The following LATS1 variants were observed in gnomAD, a reference collection of about 807,000 sequenced individuals.
LATS1 encodes the protein large tumor suppressor kinase 1.
A neutral mutation model predicts 106.6 loss-of-function variants in LATS1; 25 were observed. That is an observed-to-expected ratio of 0.23 (90% CI 0.17 to 0.33). The LOEUF is 0.33. Among genes scored for constraint, LATS1 ranks in the 10% least tolerant of loss-of-function variants. The pLI is 1.00. For missense variants in LATS1, 1,040 were observed against 1,382.6 expected, an observed-to-expected ratio of 0.75 and a Z score of 3.93; for synonymous variants, 465 against 455.6, an observed-to-expected ratio of 1.02 and a Z score of -0.26.
intron 1 of LATS1, chr6:149,702,497 AAGTT>A (rs199800936): frequency 0.012 from 1,999 of 171,002 alleles, 44 homozygotes; most frequent in African/African-American, 0.046. Flanking sequence ...AAAAAAAAAA[AAGTT>A]CCTTAGTAAG....
At chr6:149,703,814 C>A (rs1783598839) in intron 1 of LATS1, among the ~76,000 whole-genome samples, 1 of 152,062 alleles carries the variant, frequency 6.6e-6, no homozygotes, top group African/African-American at 2.4e-5. Context: ...ATAAATTGAA[C>A]TAGGATTAAG....
Position 149,695,332 on chromosome 6 carries a change from C to T in LATS1, c.349-111G>A, listed in dbSNP as rs1782996877. On this transcript the variant is annotated intron_variant, in intron 2 of 7. Coordinates refer to ENST00000543571, the MANE Select transcript of LATS1 (RefSeq NM_004690.4). ...GAGAAATCCATAATTATGAAGAACACAGCCCCAAACCATGATATTAATGTT... is the reference window on the plus strand; with the variant it reads ...GAGAAATCCATAATTATGAAGAACATAGCCCCAAACCATGATATTAATGTT... The T allele has an allele frequency of 4.0e-5, 26 of 650,402 alleles. No homozygotes were observed. In the South Asian group the frequency reaches 5.5e-4, roughly 14 times the overall value. 40.3% of individuals were successfully genotyped at this position (650,402 alleles called of 1,614,324 possible). A position where few individuals can be genotyped will look rare whatever the true frequency, so the allele number is the denominator to read the frequency against.
At chr6:149,704,883 AT>A (rs1783666869) in intron 1 of LATS1, among the ~76,000 whole-genome samples, 1 of 81,624 alleles carries the variant, frequency 1.2e-5, no homozygotes, top group African/African-American at 5.6e-5. Flanking sequence ...ATAGAAATTA[AT>A]TATACACACA....
At position 149,676,664 on chromosome 6, in the gene LATS1, G is replaced by A. The variant is rs750873354; in HGVS notation, c.2667C>T (p.Asp889=). The part of the protein sequence containing the change: ...WGDPSSCRCG[D]RLKPLERRAA... ...CTCTCCGCTCTAATGGCTTCAGTCTGTCTCCACATCGACAGCTTGAGGGAT... is the reference window on the plus strand; with the variant it reads ...CTCTCCGCTCTAATGGCTTCAGTCTATCTCCACATCGACAGCTTGAGGGAT... Residue 889 remains aspartate, a synonymous_variant, in exon 6 of 8, where the codon GAC becomes GAT. Coordinates refer to ENST00000543571, the MANE Select transcript of LATS1 (RefSeq NM_004690.4). 3.1e-5 allele frequency: 50 copies of A among 1,613,974 alleles called. No homozygotes were observed. The highest frequency in any genetic ancestry group is 1.6e-4 in the Middle Eastern group (1 of 6,074).
chr6:149,679,849 A>G lies in LATS1; in HGVS notation c.2593+26T>C, dbSNP rs530481950. 12 of 1,455,410 alleles carry G rather than the reference A, an allele frequency of 8.2e-6. No individual in the cohort carries two copies. The East Asian group carries it at 2.5e-4, about 30-fold the overall frequency. The allele number at this position is 1,455,410 out of a possible 1,614,324, so 90.2% of individuals were successfully genotyped here. ...TAAATTACATTATTATGAACAAACT[A>G]AAATAAATTTTATGAGTTTACTTAC... On this transcript the variant is annotated intron_variant, in intron 5 of 7. Transcript: ENST00000543571.
In LATS1 at chr6:149,682,869, T is replaced by A. The variant is rs553636029; in HGVS notation, c.2010+210A>T. ...TTTTCTTAATTTACACGAGATTTTA[T>A]TATAGGAAATTCTGAATAAATATTG... On this transcript the variant is annotated intron_variant, in intron 4 of 7. Coordinates refer to ENST00000543571, the MANE Select transcript of LATS1 (RefSeq NM_004690.4). The A allele has an allele frequency of 9.7e-5, 54 of 554,554 alleles. No homozygotes were observed. The East Asian group carries it at 1.3e-3, about 13-fold the overall frequency. The allele number at this position is 554,554 out of a possible 1,614,324, so 34.4% of individuals were successfully genotyped here. A position where few individuals can be genotyped will look rare whatever the true frequency, so the allele number is the denominator to read the frequency against.
chr6:149,680,683 G>A (rs150036887), intron 4 of LATS1, among the ~76,000 whole-genome samples: 1 of 150,584 alleles, frequency 6.6e-6, no homozygotes, highest in African/African-American at 2.4e-5. Context: ...AAATTCAGCT[G>A]TGGAGTGCAA....
chr6:149,710,992 C>A (rs942950860), intron 1 of LATS1, among the ~76,000 whole-genome samples: 3 of 152,152 alleles, frequency 2.0e-5, no homozygotes, highest in African/African-American at 7.2e-5. Flanking sequence ...AAAGACTGAG[C>A]ACAGATGCCC....
At chr6:149,699,503 C>T (rs1783319013) in intron 2 of LATS1, among the ~76,000 whole-genome samples, 1 of 151,548 alleles carries the variant, frequency 6.6e-6, no homozygotes, top group Non-Finnish European at 1.5e-5. Flanking sequence ...AAATAAATAA[C>T]ACCATACTTC....
chr6:149,684,550 C>T lies in LATS1; in HGVS notation c.539G>A (p.Gly180Asp). ...CTGAGGAACTAAGGATTCTTTAGAA[C>T]CTTTCCAGCTCTGTTTGCGGTTAAC... is the stretch of plus-strand genomic sequence containing the variant. ...QSVNRKQSWKGSKESLVPQRH... is the reference protein window; with the variant it reads ...QSVNRKQSWKDSKESLVPQRH... Residue 180 changes from glycine to aspartate, a missense_variant, in exon 4 of 8, where the codon GGT becomes GAT. Coordinates refer to ENST00000543571, the MANE Select transcript of LATS1 (RefSeq NM_004690.4). The T allele has an allele frequency of 6.2e-7, 1 of 1,611,924 alleles. No individual in the cohort carries two copies. The highest frequency in any genetic ancestry group is 2.2e-5 in the East Asian group (1 of 44,816).
intron 7 of LATS1, among the ~76,000 whole-genome samples, chr6:149,675,193 A>G (rs1324039684): frequency 6.7e-6 from 1 of 148,754 alleles, no homozygotes; most frequent in African/African-American, 2.5e-5. Context: ...CTCTAGCCTG[A>G]TGACAGAGCA....
intron 2 of LATS1, among the ~76,000 whole-genome samples, chr6:149,697,971 C>T (rs1783196121): frequency 6.6e-6 from 1 of 152,136 alleles, no homozygotes; most frequent in African/African-American, 2.4e-5. Flanking sequence ...AACTCCTGAC[C>T]TCAAGTGATC....
intron 1 of LATS1, among the ~76,000 whole-genome samples, chr6:149,705,669 A>G (rs1312281705): frequency 6.6e-6 from 1 of 152,166 alleles, no homozygotes; most frequent in Non-Finnish European, 1.5e-5. Flanking sequence ...ATTTCCCTAT[A>G]ATGGGACCTG....
intron 2 of LATS1, among the ~76,000 whole-genome samples, chr6:149,696,915 G>A (rs1783125398): frequency 1.3e-5 from 2 of 152,094 alleles, no homozygotes; most frequent in Admixed American, 1.3e-4. Context: ...GGCTCATAGG[G>A]TTGATGTGAG....
At chr6:149,666,803 G>A (rs537097301) in intron 7 of LATS1, among the ~76,000 whole-genome samples, 7 of 151,964 alleles carry the variant, frequency 4.6e-5, no homozygotes, top group Admixed American at 3.3e-4. Context: ...TTAGCCGGGC[G>A]TGGTGGTGGG....
chr6:149,692,760 C>T (rs1350791238), intron 3 of LATS1, among the ~76,000 whole-genome samples: 3 of 151,866 alleles, frequency 2.0e-5, no homozygotes, highest in African/African-American at 7.2e-5. Flanking sequence ...CCGAAACCTC[C>T]GCCTCCTGGG....
intron 2 of LATS1, among the ~76,000 whole-genome samples, chr6:149,697,828 C>T (rs986308905): frequency 2.6e-5 from 4 of 151,934 alleles, no homozygotes; most frequent in East Asian, 1.9e-4. Context: ...CTCCACCTCC[C>T]GGGTTCAAGC....
intron 1 of LATS1, among the ~76,000 whole-genome samples, chr6:149,710,413 G>A (rs1194232958): frequency 6.6e-6 from 1 of 152,204 alleles, no homozygotes; most frequent in African/African-American, 2.4e-5. Flanking sequence ...AAAAATTAGG[G>A]AAGCTGGTAA....
At chr6:149,681,881 G>A (rs1782049757) in intron 4 of LATS1, among the ~76,000 whole-genome samples, 1 of 152,168 alleles carries the variant, frequency 6.6e-6, no homozygotes, top group African/African-American at 2.4e-5. Context: ...TTGGGAGGCA[G>A]ACGCGGGTGG....
Sources: gnomAD v4.1 joint callset for allele counts (sites outside exome capture counted in the v4.1 genomes callset) on GRCh38, gnomAD v4.1.1 for gene constraint, MANE v1.5 for transcripts, NCBI Gene and HGNC (gene_info 2026-07-23, HGNC 2026-07-21) for gene names.